The following SPTBN4 variants were observed in gnomAD, a reference collection of about 807,000 sequenced individuals.
SPTBN4 encodes the protein spectrin beta, non-erythrocytic 4.
In SPTBN4, 96 loss-of-function variants were observed where a neutral mutation model predicts 277.8. The ratio of observed to expected loss-of-function variants is 0.35; its 90% CI spans 0.29 to 0.41. The LOEUF (loss-of-function observed/expected upper bound fraction) is 0.41, where lower values mean the gene tolerates loss of function less well. Ranked by LOEUF, SPTBN4 falls within the 10% of genes least tolerant of loss-of-function variation. SPTBN4 has a pLI of 1.00. For synonymous variants in SPTBN4, 1,481 were observed against 1,580.3 expected (o/e 0.94, Z 1.49); for missense variants, 3,006 against 3,595.7 (o/e 0.84, Z 4.19).
In SPTBN4 at chr19:40,493,590, T is replaced by C. The variant is rs373998032; in HGVS notation, c.587+536T>C. On this transcript the variant is annotated intron_variant, in intron 5 of 35. Transcript: ENST00000598249. ...TTAATCACAGGCATGGTGGCAGACG[T>C]CTGTAGTCGTAGCTTCTCAGGTTCC... Among the ~76,000 whole-genome samples the C allele has an allele frequency of 2.4e-4, 36 of 152,138 alleles. No individual in the cohort carries two copies. The South Asian group carries it at 7.5e-3, about 32-fold the overall frequency.
At position 40,557,100 on chromosome 19, in the gene SPTBN4, G is replaced by T; in HGVS notation, c.5367G>T (p.Gln1789His). 7 of 1,603,458 alleles carry T rather than the reference G, an allele frequency of 4.4e-6. No homozygotes were observed. The highest frequency in any genetic ancestry group is 6.0e-6 in the Non-Finnish European group (7 of 1,172,368). Residue 1789 changes from glutamine (Q) to histidine (H), a missense_variant, in exon 26 of 36, where the codon CAG becomes CAT. Physicochemically the swap from Gln to His is conservative, Grantham distance 24. Around this residue, in one of 5 missense-constraint regions of SPTBN4, gnomAD observed 425 missense variants for 594.7 expected, o/e 0.71. Transcript: ENST00000598249. The stretch of plus-strand genomic sequence containing the variant: ...GGGAACGGCTGGCAGCTGTGAACCA[G>T]ATGGTGGATGAGCTGATCGAGTGTG... ...AGRERLAAVN[Q>H]MVDELIECGH...
At chr19:40,471,177 C>T (rs2079880624) in intron 1 of SPTBN4, among the ~76,000 whole-genome samples, 1 of 152,074 alleles carries the variant, frequency 6.6e-6, no homozygotes, top group Admixed American at 6.6e-5. Flanking sequence ...GAACTCCTGA[C>T]CTCAGGTGAT....
intron 30 of SPTBN4, chr19:40,567,101 C>A (rs910412314): frequency 1.3e-5 from 6 of 454,782 alleles, no homozygotes; most frequent in Admixed American, 2.4e-5. Context: ...TGGCAACATA[C>A]TGAGAAGCCG....
At chr19:40,506,502 T>A (rs1365429147) in intron 13 of SPTBN4, 116 bp downstream of exon 13, 2 of 1,406,176 alleles carry the variant, frequency 1.4e-6, no homozygotes, top group African/African-American at 2.9e-5. Context: ...CTTGGAGGCA[T>A]TTAAGCAGAG....
intron 21 of SPTBN4, 33 bp downstream of exon 21, chr19:40,549,446 GGGCGGGGC>G (rs762789716): frequency 5.9e-5 from 76 of 1,282,596 alleles, no homozygotes; most frequent in Non-Finnish European, 6.7e-5. Flanking sequence ...GGGCGGGGCG[GGGCGGGGC>G]GGTGGGGCGG....
Position 40,497,535 on chromosome 19 carries a change from T to C in SPTBN4, c.715T>C (p.Tyr239His), listed in dbSNP as rs772359817. The change falls in exon 7 of 36, where the codon TAC becomes CAC. Residue 239 changes from tyrosine to histidine, a missense_variant. This residue lies in a region of SPTBN4 where 1,759 missense variants were observed against 2,061.5 expected (regional missense o/e 0.85). Transcript: ENST00000598249. ...FSKLTKSNAN[Y>H]NLQRAFRTAE... ...CAAACTCACCAAGTCCAATGCCAAC[T>C]ACAACCTGCAGAGAGCCTTCCGCAC... 7 of 1,614,100 alleles carry C rather than the reference T, an allele frequency of 4.3e-6. 1 individual carries two copies. The South Asian group carries it at 7.7e-5, about 18-fold the overall frequency.
rs199629873 is a variant in SPTBN4 at position 40,515,928 on chromosome 19, T to TAC, written c.2903+486_2903+487dup. 0.25 allele frequency among the ~76,000 whole-genome samples: 32,407 copies of TAC among 129,448 alleles called. 5,483 individuals carry two copies. The highest frequency in any genetic ancestry group is 0.32 in the African/African-American group (8,828 of 27,648). The allele number at this position is 129,448 out of a possible 152,430, so 84.9% of individuals were successfully genotyped here. A position where few individuals can be genotyped will look rare whatever the true frequency, so the allele number is the denominator to read the frequency against. Reference sequence around the variant, plus strand: ...ATATATATATACACACACATATATATACACACATATATACGTATATATACA... The same window carrying TAC: ...ATATATATATACACACACATATATATACACACACATATATACGTATATATACA... On this transcript the variant is annotated intron_variant, in intron 15 of 35. Transcript: ENST00000598249. This position sits in a 1 kb window ranked among gnomAD's most constrained non-coding sequence, Gnocchi z 4.1.
At chr19:40,561,384 G>A (rs1019301904) in intron 27 of SPTBN4, among the ~76,000 whole-genome samples, 1 of 152,232 alleles carries the variant, frequency 6.6e-6, no homozygotes, top group African/African-American at 2.4e-5. Context: ...ACCTGGCATT[G>A]CTTCTGGGAA....
chr19:40,557,724 C>A (rs2080997918), intron 26 of SPTBN4, among the ~76,000 whole-genome samples: 1 of 151,968 alleles, frequency 6.6e-6, no homozygotes, highest in Admixed American at 6.6e-5. Context: ...TTAAGACCAG[C>A]CTGGTCAACG....
intron 26 of SPTBN4, 99 bp downstream of exon 26, chr19:40,557,502 C>A: frequency 7.1e-7 from 1 of 1,402,930 alleles, no homozygotes; most frequent in Non-Finnish European, 9.5e-7. Flanking sequence ...CGAAATTAGG[C>A]AGTGGCACAG....
chr19:40,567,594 C>A, intron 30 of SPTBN4, 69 bp from the exon 31 acceptor site: 1 of 1,369,088 alleles, frequency 7.3e-7, no homozygotes, highest in Non-Finnish European at 9.6e-7. Flanking sequence ...CAGGCCGCCT[C>A]CCCGGACCTC....
At chr19:40,489,223 AAAAAAAAAGAAAG>A (rs1244823436) in intron 3 of SPTBN4, among the ~76,000 whole-genome samples, 1 of 134,010 alleles carries the variant, frequency 7.5e-6, no homozygotes, top group Non-Finnish European at 1.5e-5. Flanking sequence ...AGCCAAAAAA[AAAAAAAAAGAAAG>A]AAAAAAAAGA....
chr19:40,526,897 T>C (rs1599766744), intron 17 of SPTBN4, among the ~76,000 whole-genome samples: 2 of 152,326 alleles, frequency 1.3e-5, no homozygotes, highest in East Asian at 1.9e-4. Context: ...CCTACTCTGT[T>C]GTTCTTTCAC....
chr19:40,566,605 G>A (rs1165532064), intron 30 of SPTBN4, among the ~76,000 whole-genome samples: 4 of 152,052 alleles, frequency 2.6e-5, no homozygotes, highest in Non-Finnish European at 4.4e-5. Context: ...GGGGGAGTGG[G>A]AGGGGGAACT....
At chr19:40,508,515 CA>C (rs1205996216) in intron 13 of SPTBN4, among the ~76,000 whole-genome samples, 1 of 152,138 alleles carries the variant, frequency 6.6e-6, no homozygotes, top group Non-Finnish European at 1.5e-5. Context: ...GGTGAAACCC[CA>C]TCCCTACTAA....
chr19:40,555,848 T>C (rs2145933299), intron 24 of SPTBN4, among the ~76,000 whole-genome samples: 1 of 150,716 alleles, frequency 6.6e-6, no homozygotes, highest in African/African-American at 2.4e-5. Context: ...GCATGGGAGG[T>C]GGAGGCTGCA....
intron 18 of SPTBN4, among the ~76,000 whole-genome samples, chr19:40,531,326 T>C (rs558092187): frequency 6.6e-6 from 1 of 151,374 alleles, no homozygotes; most frequent in South Asian, 2.1e-4. Context: ...TATGAAGGAG[T>C]GTGATGCTGT....
rs1465266687 is a variant in SPTBN4 at position 40,560,320 on chromosome 19, C to T, written c.5832C>T (p.Ala1944=). The part of the protein sequence containing the change: ...ARLHVSSTAD[A]LRFHSQVRDL... ...TGCATGTCAGCTCCACAGCCGACGC[C>T]CTGCGCTTCCACAGCCAAGTCCGCG... Residue 1944 remains alanine, a synonymous_variant, in exon 27 of 36, where the codon GCC becomes GCT. Transcript: ENST00000598249. The surrounding 1 kb of genome is among the most constrained non-coding windows in gnomAD (Gnocchi z 5.2). 1.9e-6 allele frequency: 3 copies of T among 1,614,126 alleles called. No individual in the cohort carries two copies. Among genetic ancestry groups the T allele is most frequent in the South Asian group, 2.2e-5 (2 of 91,086 alleles).
chr19:40,503,983 G>A lies in SPTBN4; in HGVS notation c.1516G>A (p.Val506Met). 6.2e-7 allele frequency: 1 copy of A among 1,613,976 alleles called. No individual in the cohort carries two copies. The highest frequency in any genetic ancestry group is 8.5e-7 in the Non-Finnish European group (1 of 1,180,002). Residue 506 changes from valine to methionine, a missense_variant, in exon 12 of 36, where the codon GTG becomes ATG. By Grantham distance (21) the Val-to-Met change is conservative. Coordinates refer to ENST00000598249, the MANE Select transcript of SPTBN4 (RefSeq NM_020971.3). ...CGAAGGCTACTACGATATCCGGCGG[G>A]TGGCAGCCCAGCGTGACAGCGTCCT... ...AAEGYYDIRRVAAQRDSVLRQ... is the reference protein window; with the variant it reads ...AAEGYYDIRRMAAQRDSVLRQ...
Sources: gnomAD v4.1 joint callset for allele counts (sites outside exome capture counted in the v4.1 genomes callset) on GRCh38, gnomAD v4.1.1 for gene constraint, gnomAD v4.1.1 regional missense constraint, Gnocchi (gnomAD v3.1) non-coding constraint, MANE v1.5 for transcripts, NCBI Gene and HGNC (gene_info 2026-07-23, HGNC 2026-07-21) for gene names.